Variants in NEURL4 observed in about 807,000 individuals in gnomAD.
The protein encoded by NEURL4 is neuralized E3 ubiquitin protein ligase 4, also known as neuralized-like protein 4.
Under a neutral mutation model 148.0 loss-of-function variants are expected in NEURL4, and 45 were observed. That is an observed-to-expected ratio of 0.30 (90% CI 0.24 to 0.39). The LOEUF is 0.39. Among genes scored for constraint, NEURL4 ranks in the 10% least tolerant of loss-of-function variants. The pLI is 1.00. For missense variants in NEURL4, 1,776 were observed against 2,144.0 expected, an observed-to-expected ratio of 0.83 and a Z score of 3.39; for synonymous variants, 854 against 869.0, an observed-to-expected ratio of 0.98 and a Z score of 0.30.
Position 7,322,764 on chromosome 17 carries a change from G to C in NEURL4, c.2696C>G (p.Thr899Ser). The change falls in exon 16 of 29, where the codon ACC becomes AGC. Residue 899 changes from threonine (T) to serine (S), a missense_variant. Physicochemically the swap from Thr to Ser is moderately conservative, Grantham distance 58. Transcript: ENST00000399464. This position sits in a 1 kb window ranked among gnomAD's most constrained non-coding sequence, Gnocchi z 5.5. ...DNSLATSNTA[T>S]EKSFPLHSPV... Reference sequence around the variant, plus strand: ...GGAGTGCAGTGGGAAGGACTTCTCGGTGGCAGTGTTGCTGGTCGCCAGGCT... The same window carrying C: ...GGAGTGCAGTGGGAAGGACTTCTCGCTGGCAGTGTTGCTGGTCGCCAGGCT... 1 of 1,613,426 alleles carries C rather than the reference G, an allele frequency of 6.2e-7. No homozygotes were observed. The highest frequency in any genetic ancestry group is 1.7e-5 in the Admixed American group (1 of 60,022).
rs2143011473 is a variant in NEURL4, at chr17:7,318,263, G to A, written c.3952+6C>T. 3 of 1,613,900 alleles carry A rather than the reference G, an allele frequency of 1.9e-6. No individual in the cohort carries two copies. The highest frequency in any genetic ancestry group is 1.1e-5 in the South Asian group (1 of 91,076). On this transcript the variant is annotated splice_donor_region_variant and intron_variant, in intron 24 of 28. Coordinates refer to ENST00000399464, the MANE Select transcript of NEURL4 (RefSeq NM_032442.3). The surrounding 1 kb of genome is among the most constrained non-coding windows in gnomAD (Gnocchi z 4.3). ...GCAGGAGCTGGGTCCCTTTGGGCTG[G>A]CACACCGTCCACCATGTCTGCTTTC...
Position 7,318,521 on chromosome 17 carries a change from C to G in NEURL4, c.3838G>C (p.Val1280Leu), listed in dbSNP as rs377003323. 3 of 1,611,028 alleles carry G rather than the reference C, an allele frequency of 1.9e-6. No individual in the cohort carries two copies. The highest frequency in any genetic ancestry group is 2.5e-6 in the Non-Finnish European group (3 of 1,178,344). ...PDVPQPCHAL[V>L]DLYGQCEQVT... ...TGCTCACACTGCCCATAGAGGTCCA[C>G]AAGCGCATGGCAGGGCTGGGGCACA... is the stretch of plus-strand genomic sequence containing the variant. The change falls in exon 23 of 29, where the codon GTG (valine) becomes CTG (leucine). Residue 1280 changes from valine to leucine, a missense_variant. Physicochemically the swap from Val to Leu is conservative, Grantham distance 32 (BLOSUM62 1). Transcript: ENST00000399464. The surrounding 1 kb of genome is among the most constrained non-coding windows in gnomAD (Gnocchi z 4.3).
In NEURL4 at chr17:7,327,203, CGG is replaced by C; in HGVS notation, c.753_754del (p.Arg252AlafsTer6). The C allele has an allele frequency of 6.2e-7, 1 of 1,611,946 alleles. No individual in the cohort carries two copies. Among genetic ancestry groups the C allele is most frequent in the Non-Finnish European group, 8.5e-7 (1 of 1,179,756 alleles). On this transcript the variant is annotated frameshift_variant, in exon 3 of 29. Coordinates refer to ENST00000399464, the MANE Select transcript of NEURL4 (RefSeq NM_032442.3). LOFTEE classifies it high-confidence loss of function. The surrounding 1 kb of genome is among the most constrained non-coding windows in gnomAD (Gnocchi z 6.6). ...AAGGCTGTTAGGAAACGTCTCCGGC[CGG>C]GCCTGCGCTGGGGACACCATGAAGG...
rs1219916721 is a variant in NEURL4, at chr17:7,317,297, G to C, written c.4392C>G (p.Asn1464Lys). 6.5e-7 allele frequency: 1 copy of C among 1,533,788 alleles called. No individual in the cohort carries two copies. The highest frequency in any genetic ancestry group is 8.8e-7 in the Non-Finnish European group (1 of 1,140,398). ...GCTGCTCCTCCCGAGGAGGTGCACAGTTCTCGCCAGGCTCCTCGAACCCTA... is the reference window on the plus strand; with the variant it reads ...GCTGCTCCTCCCGAGGAGGTGCACACTTCTCGCCAGGCTCCTCGAACCCTA... ...PGVGFEEPGENCAPPREEQPP... is the reference protein window; with the variant it reads ...PGVGFEEPGEKCAPPREEQPP... Residue 1464 changes from asparagine (N) to lysine (K), a missense_variant, in exon 28 of 29, where the codon AAC becomes AAG. Coordinates refer to ENST00000399464, the MANE Select transcript of NEURL4 (RefSeq NM_032442.3).
In NEURL4 at chr17:7,321,281, G is replaced by T. The variant is rs1157331890; in HGVS notation, c.3199-8C>A. ...CAACACAGCCCACACGTTCTGGGAG[G>T]CACACAAGACCCAGAAAATCAGAGA... On this transcript the variant is annotated splice_region_variant and splice_polypyrimidine_tract_variant and intron_variant, in intron 19 of 28. Transcript: ENST00000399464. This position sits in a 1 kb window ranked among gnomAD's most constrained non-coding sequence, Gnocchi z 6.3. 6.2e-7 allele frequency: 1 copy of T among 1,613,034 alleles called. No individual in the cohort carries two copies. Among genetic ancestry groups the T allele is most frequent in the Admixed American group, 1.7e-5 (1 of 59,978 alleles).
Position 7,323,650 on chromosome 17 carries a change from C to A in NEURL4, c.2335G>T (p.Ala779Ser). The A allele has an allele frequency of 1.9e-6, 3 of 1,613,676 alleles. No homozygotes were observed. Among genetic ancestry groups the A allele is most frequent in the Non-Finnish European group, 1.7e-6 (2 of 1,179,740 alleles). The change falls in exon 13 of 29, where the codon GCT becomes TCT. Residue 779 changes from alanine to serine, a missense_variant. Ala to Ser is a moderately conservative substitution (Grantham distance 99). Coordinates refer to ENST00000399464, the MANE Select transcript of NEURL4 (RefSeq NM_032442.3). ...MVDRWSGSIE[A>S]GVTAIRPEDL... is the part of the protein sequence containing the mutation. ...AACACACACAGACGGCCCTCACCAG[C>A]CTCAATGGAGCCTGACCAGCGGTCC...
At position 7,324,417 on chromosome 17, in the gene NEURL4, C is replaced by T. The variant is rs758031743; in HGVS notation, c.1877G>A (p.Gly626Glu). 3 of 1,614,180 alleles carry T rather than the reference C, an allele frequency of 1.9e-6. No homozygotes were observed. Among genetic ancestry groups the T allele is most frequent in the Non-Finnish European group, 1.7e-6 (2 of 1,180,018 alleles). The change falls in exon 10 of 29, where the codon GGG (glycine) becomes GAG (glutamate). Residue 626 changes from glycine (G) to glutamate (E), a missense_variant. Transcript: ENST00000399464. This position sits in a 1 kb window ranked among gnomAD's most constrained non-coding sequence, Gnocchi z 5.9. ...HNGTTILDEY[G>E]HNLDRLKAGD... ...CACCTTGAGGCGGTCCAGATTGTGC[C>T]CGTATTCATCCAGGATGGTCGTCCC... is the stretch of plus-strand genomic sequence containing the variant.
In NEURL4 at chr17:7,325,288, G is replaced by C. The variant is rs1303084608; in HGVS notation, c.1552C>G (p.Pro518Ala). Residue 518 changes from proline to alanine, a missense_variant, in exon 8 of 29, where the codon CCT (proline) becomes GCT (alanine). By Grantham distance (27) the Pro-to-Ala change is conservative. Coordinates refer to ENST00000399464, the MANE Select transcript of NEURL4 (RefSeq NM_032442.3). ...RRAAPAAQAE[P>A]ERLLFHPNCG... ...TTGGGGTGGAAGAGCAGGCGCTCAG[G>C]TTCTGCCTGGGCGGCAGGGGCAGCA... is the stretch of plus-strand genomic sequence containing the variant. 34 of 1,610,068 alleles carry C rather than the reference G, an allele frequency of 2.1e-5. No individual in the cohort carries two copies. Among genetic ancestry groups the C allele is most frequent in the Non-Finnish European group, 2.9e-5 (34 of 1,178,638 alleles).
chr17:7,325,243 T>C lies in NEURL4; in HGVS notation c.1597A>G (p.Ile533Val). Residue 533 changes from isoleucine (I) to valine (V), a missense_variant, in exon 8 of 29, where the codon ATC becomes GTC. Transcript: ENST00000399464. The part of the protein sequence containing the change: ...FHPNCGQKAA[I>V]THEGRTALRP... The stretch of plus-strand genomic sequence containing the variant: ...AGGGCAGTGCGTCCCTCGTGGGTGA[T>C]GGCTGCCTTCTGCCCACAGTTGGGG... 6.6e-7 allele frequency: 1 copy of C among 1,510,950 alleles called. No individual in the cohort carries two copies. The highest frequency in any genetic ancestry group is 8.9e-7 in the Non-Finnish European group (1 of 1,122,382). The allele number at this position is 1,510,950 out of a possible 1,614,324, so 93.6% of individuals were successfully genotyped here.
rs775757663 is a variant in NEURL4 at position 7,321,151 on chromosome 17, C to G, written c.3321G>C (p.Glu1107Asp). The G allele has an allele frequency of 6.2e-7, 1 of 1,613,986 alleles. No homozygotes were observed. The highest frequency in any genetic ancestry group is 8.5e-7 in the Non-Finnish European group (1 of 1,180,028). The change falls in exon 20 of 29, where the codon GAG becomes GAC. Residue 1107 changes from glutamate (E) to aspartate (D), a missense_variant. Coordinates refer to ENST00000399464, the MANE Select transcript of NEURL4 (RefSeq NM_032442.3). The surrounding 1 kb of genome is among the most constrained non-coding windows in gnomAD (Gnocchi z 6.3). ...PPSPSSDTGS[E>D]GEEDDEGEEH... ...CCTCGCCCTCGTCATCCTCCTCGCC[C>G]TCACTGCCGGTGTCTGAACTGGGGG... is the stretch of plus-strand genomic sequence containing the variant.
In NEURL4 at chr17:7,318,868, A is replaced by G; in HGVS notation, c.3684+182T>C. 3 of 885,856 alleles carry G rather than the reference A, an allele frequency of 3.4e-6. No individual in the cohort carries two copies. Among genetic ancestry groups the G allele is most frequent in the East Asian group, 5.4e-5 (2 of 37,006 alleles). The allele number at this position is 885,856 out of a possible 1,614,324, so 54.9% of individuals were successfully genotyped here. On this transcript the variant is annotated intron_variant, in intron 22 of 28. Coordinates refer to ENST00000399464, the MANE Select transcript of NEURL4 (RefSeq NM_032442.3). The surrounding 1 kb of genome is among the most constrained non-coding windows in gnomAD (Gnocchi z 4.3). ...CTGGCACATTCTCAATGGCAGGGAC[A>G]CCGCAGGAAGCAGCAGGCCTAAGAC...
Position 7,320,705 on chromosome 17 carries a change from G to A in NEURL4, c.3525+54C>T, listed in dbSNP as rs2073020269. 4.6e-6 allele frequency: 7 copies of A among 1,531,350 alleles called. No homozygotes were observed. The South Asian group carries it at 8.4e-5, about 18-fold the overall frequency. The allele number at this position is 1,531,350 out of a possible 1,614,324, so 94.9% of individuals were successfully genotyped here. On this transcript the variant is annotated intron_variant, in intron 21 of 28. Transcript: ENST00000399464. ...AAAAAGGCCTTTTTTCAGGGGGGTTGGCCATGGGTCACTGTGGAGCGAGAG... is the reference window on the plus strand; with the variant it reads ...AAAAAGGCCTTTTTTCAGGGGGGTTAGCCATGGGTCACTGTGGAGCGAGAG...
chr17:7,318,435 CCT>C lies in NEURL4; in HGVS notation c.3864+58_3864+59del, dbSNP rs1421910873. On this transcript the variant is annotated intron_variant, in intron 23 of 28. Transcript: ENST00000399464. This position sits in a 1 kb window ranked among gnomAD's most constrained non-coding sequence, Gnocchi z 4.3. ...ATCCCTCCCTGGAACAGAGATTTCCCCTGTCCTGGACAGCGCAGACTCTCAGG... is the reference window on the plus strand; with the variant it reads ...ATCCCTCCCTGGAACAGAGATTTCCCGTCCTGGACAGCGCAGACTCTCAGG... The C allele has an allele frequency of 1.4e-5, 23 of 1,609,882 alleles. No homozygotes were observed. Among genetic ancestry groups the C allele is most frequent in the East Asian group, 6.7e-5 (3 of 44,880 alleles).
rs755927839 is a variant in NEURL4 at position 7,318,511 on chromosome 17, T to C, written c.3848A>G (p.Tyr1283Cys). The C allele has an allele frequency of 1.2e-6, 2 of 1,610,058 alleles. No homozygotes were observed. Among genetic ancestry groups the C allele is most frequent in the Non-Finnish European group, 8.5e-7 (1 of 1,177,698 alleles). Residue 1283 changes from tyrosine to cysteine, a missense_variant, in exon 23 of 29, where the codon TAT (tyrosine) becomes TGT (cysteine). Coordinates refer to ENST00000399464, the MANE Select transcript of NEURL4 (RefSeq NM_032442.3). The surrounding 1 kb of genome is among the most constrained non-coding windows in gnomAD (Gnocchi z 4.3). ...GCCACTAACCTGCTCACACTGCCCA[T>C]AGAGGTCCACAAGCGCATGGCAGGG... ...PQPCHALVDL[Y>C]GQCEQVTIVN...
rs202241869 is a variant in NEURL4 at position 7,322,731 on chromosome 17, G to T, written c.2725+4C>A. On this transcript the variant is annotated splice_donor_region_variant and intron_variant, in intron 16 of 28. Transcript: ENST00000399464. The surrounding 1 kb of genome is among the most constrained non-coding windows in gnomAD (Gnocchi z 5.5). ...CCCGTCCAGCCCCCGCCCTGCTGCC[G>T]CACCTGGGGAGTGCAGTGGGAAGGA... 6.2e-7 allele frequency: 1 copy of T among 1,610,408 alleles called. No homozygotes were observed. The highest frequency in any genetic ancestry group is 8.5e-7 in the Non-Finnish European group (1 of 1,179,698).
intron 28 of NEURL4, among the ~76,000 whole-genome samples, chr17:7,316,624 C>T (rs866592994): frequency 6.6e-6 from 1 of 152,188 alleles, no homozygotes; most frequent in African/African-American, 2.4e-5. Context: ...TTACTTATTA[C>T]CTTTAAAAAT....
Position 7,320,775 on chromosome 17 carries a change from G to GA in NEURL4, c.3508_3509insT (p.Pro1170LeufsTer30). 6.2e-7 allele frequency: 1 copy of GA among 1,613,748 alleles called. No homozygotes were observed. The highest frequency in any genetic ancestry group is 8.5e-7 in the Non-Finnish European group (1 of 1,179,794). ...AGAACCCACCTGCACCAGCAGCTGGGGCACCAGAGGTTGGTTGATGACAAC... is the reference window on the plus strand; with the variant it reads ...AGAACCCACCTGCACCAGCAGCTGGGAGCACCAGAGGTTGGTTGATGACAAC... On this transcript the variant is annotated frameshift_variant, in exon 21 of 29. Coordinates refer to ENST00000399464, the MANE Select transcript of NEURL4 (RefSeq NM_032442.3). LOFTEE classifies it high-confidence loss of function.
At position 7,315,848 on chromosome 17, in the gene NEURL4, G is replaced by A. The variant is rs555441444; in HGVS notation, c.*275C>T. 8.9e-5 allele frequency: 49 copies of A among 550,018 alleles called. No individual in the cohort carries two copies. The highest frequency in any genetic ancestry group is 3.4e-4 in the Admixed American group (10 of 29,602). The allele number at this position is 550,018 out of a possible 1,614,324, so 34.1% of individuals were successfully genotyped here. A position where few individuals can be genotyped will look rare whatever the true frequency, so the allele number is the denominator to read the frequency against. ...TGATGTGGGGTAGGGGAGTAAAAGG[G>A]AGTCATGTTCCCCAAATCAGTGCAT... is the stretch of plus-strand genomic sequence containing the variant. On this transcript the variant is annotated 3_prime_UTR_variant, in exon 29 of 29. Transcript: ENST00000399464.
At chr17:7,323,766 T>C in intron 12 of NEURL4, 43 bp from the exon 13 acceptor site, 1 of 1,613,904 alleles carries the variant, frequency 6.2e-7, no homozygotes, top group South Asian at 1.1e-5. Flanking sequence ...CTTGCATGGC[T>C]GAGGCTGGGC....
Sources: allele counts gnomAD v4.1 joint callset (sites outside exome capture counted in the v4.1 genomes callset), GRCh38; gene constraint gnomAD v4.1.1; non-coding constraint Gnocchi (gnomAD v3.1); transcripts MANE v1.5; gene names NCBI Gene and HGNC (gene_info 2026-07-23, HGNC 2026-07-21).